TENM2: variants seen among roughly 807,000 people sequenced by gnomAD.
TENM2 encodes teneurin transmembrane protein 2, also known as teneurin-2.
In TENM2, 52 loss-of-function variants were observed where a neutral mutation model predicts 245.2. The observed-to-expected ratio is 0.21, with a 90% CI of 0.17 to 0.27. TENM2 has a LOEUF of 0.27. Ranked by LOEUF, TENM2 falls within the 10% of genes least tolerant of loss-of-function variation. The pLI, the probability that TENM2 is intolerant of heterozygous loss-of-function variation, is 1.00. For synonymous variants in TENM2, 1,363 were observed against 1,438.9 expected (o/e 0.95, Z 1.19); for missense variants, 3,046 against 3,666.8 (o/e 0.83, Z 4.37).
At chr5:167,686,260 G>T (rs1277799028) in intron 2 of TENM2, among the ~76,000 whole-genome samples, 1 of 152,172 alleles carries the variant, frequency 6.6e-6, no homozygotes, top group Non-Finnish European at 1.5e-5. Context: ...TGACCAAAAA[G>T]ACCATTTGTG....
intron 9 of TENM2, among the ~76,000 whole-genome samples, chr5:168,115,503 C>T (rs1581354312): frequency 6.6e-6 from 1 of 151,932 alleles, no homozygotes; most frequent in Non-Finnish European, 1.5e-5. Context: ...TTACTTTCTA[C>T]CATCCTCCAC....
At chr5:167,981,517 C>G (rs1480624563) in intron 4 of TENM2, among the ~76,000 whole-genome samples, 1 of 152,138 alleles carries the variant, frequency 6.6e-6, no homozygotes, top group African/African-American at 2.4e-5. Context: ...AAACCAAAAC[C>G]CTCAAGGCAG....
chr5:168,166,507 C>G (rs911110196), intron 13 of TENM2, among the ~76,000 whole-genome samples: 1 of 152,168 alleles, frequency 6.6e-6, no homozygotes, highest in African/African-American at 2.4e-5. Context: ...TTTATGGCCA[C>G]TAGTAGTTCT....
At chr5:168,155,808 C>A (rs1005560294) in intron 12 of TENM2, among the ~76,000 whole-genome samples, 5 of 148,564 alleles carry the variant, frequency 3.4e-5, no homozygotes, top group Non-Finnish European at 7.4e-5. Flanking sequence ...ACAATTAGTG[C>A]CACTATCTAC....
intron 2 of TENM2, among the ~76,000 whole-genome samples, chr5:167,397,778 CTTTG>C (rs778809096): frequency 5.1e-4 from 77 of 152,226 alleles, no homozygotes; most frequent in Admixed American, 1.2e-3. Context: ...TCTCATATAT[CTTTG>C]TTTGCTTCTC....
At chr5:167,876,001 C>G in exon 3 of TENM2, 1 of 1,551,220 alleles carries the variant, frequency 6.4e-7, no homozygotes, top group East Asian at 2.4e-5. Flanking sequence ...CCCATTCCAC[C>G]TACATCCTCG....
At chr5:167,505,273 A>G (rs1769467689) in intron 2 of TENM2, among the ~76,000 whole-genome samples, 1 of 152,198 alleles carries the variant, frequency 6.6e-6, no homozygotes, top group Non-Finnish European at 1.5e-5. Flanking sequence ...TATTAGTTAC[A>G]TCAAATCTTT....
rs765035291 is a variant in TENM2 at position 168,218,114 on chromosome 5, G to A, written c.4234-11G>A. ...AGGCTGTTCTTTAATCTGATACCAC[G>A]TCATCCACAGGTTCGTCTGGAGTGG... is the stretch of plus-strand genomic sequence containing the variant. On this transcript the variant is annotated splice_polypyrimidine_tract_variant and intron_variant, in intron 22 of 28. Coordinates refer to ENST00000518659, the Ensembl canonical transcript of TENM2. The surrounding 1 kb of genome is among the most constrained non-coding windows in gnomAD (Gnocchi z 5.2). 86 of 1,607,192 alleles carry A rather than the reference G, an allele frequency of 5.4e-5. 1 individual carries two copies. In the Middle Eastern group the frequency reaches 3.5e-3, roughly 65 times the overall value.
chr5:167,928,243 C>T (rs1561944021), intron 3 of TENM2, among the ~76,000 whole-genome samples: 1 of 152,144 alleles, frequency 6.6e-6, no homozygotes, highest in Non-Finnish European at 1.5e-5. Flanking sequence ...GTCTATGGTT[C>T]CCATTTCATT....
chr5:167,117,232 C>G, the TENM2 span, among the ~76,000 whole-genome samples: 1 of 152,182 alleles, frequency 6.6e-6, no homozygotes, highest in Non-Finnish European at 1.5e-5. Flanking sequence ...GGCTGGGCGC[C>G]ATGGCTCACG....
At chr5:168,190,311 C>T in intron 13 of TENM2, 26 bp from the exon 16 acceptor site, 1 of 1,591,646 alleles carries the variant, frequency 6.3e-7, no homozygotes, top group Non-Finnish European at 8.6e-7. Context: ...AATCTGCTGA[C>T]TCTGGCTCTG....
chr5:167,929,055 A>G (rs868716556), intron 3 of TENM2, among the ~76,000 whole-genome samples: 1 of 113,066 alleles, frequency 8.8e-6, no homozygotes, highest in East Asian at 2.4e-4. Context: ...AAAAGAAAGA[A>G]AGAGAGAAAG....
At chr5:168,107,965 C>T (rs553119148) in intron 9 of TENM2, among the ~76,000 whole-genome samples, 2 of 152,364 alleles carry the variant, frequency 1.3e-5, no homozygotes, top group Admixed American at 1.3e-4. Context: ...TGATGACAAG[C>T]TTCCAGCAGT....
intron 1 of TENM2, among the ~76,000 whole-genome samples, chr5:167,345,097 C>T (rs532303328): frequency 6.6e-6 from 1 of 152,284 alleles, no homozygotes; most frequent in South Asian, 2.1e-4. Flanking sequence ...TTACTCTCCA[C>T]ATTTGCCTAG....
chr5:167,157,663 T>G, the TENM2 span, among the ~76,000 whole-genome samples: 4 of 152,346 alleles, frequency 2.6e-5, no homozygotes, highest in Non-Finnish European at 4.4e-5. Flanking sequence ...ATTGCCATAT[T>G]AAAGCCCATC....
intron 3 of TENM2, among the ~76,000 whole-genome samples, chr5:167,885,902 C>G (rs1774246898): frequency 6.6e-6 from 1 of 152,172 alleles, no homozygotes; most frequent in African/African-American, 2.4e-5. Context: ...AGGCTGGCCT[C>G]AAACTCCTGA....
At chr5:167,510,357 G>C (rs1769856497) in intron 2 of TENM2, among the ~76,000 whole-genome samples, 1 of 152,122 alleles carries the variant, frequency 6.6e-6, no homozygotes, top group Admixed American at 6.6e-5. Context: ...CATTTTGGTG[G>C]CATTTTGTGA....
At chr5:168,118,155 A>G in intron 9 of TENM2, 137 bp from the exon 12 acceptor site, 4 of 565,510 alleles carry the variant, frequency 7.1e-6, no homozygotes, top group Non-Finnish European at 1.2e-5. Flanking sequence ...ATGGTTCTGC[A>G]CCTGCACAGC....
At chr5:167,308,687 G>T (rs981174683) in intron 1 of TENM2, among the ~76,000 whole-genome samples, 53 of 152,318 alleles carry the variant, frequency 3.5e-4, no homozygotes, top group African/African-American at 1.2e-3. Flanking sequence ...TTGGCTGGAT[G>T]CAGCATTGCT....
Sources: allele counts gnomAD v4.1 joint callset (sites outside exome capture counted in the v4.1 genomes callset), GRCh38; gene constraint gnomAD v4.1.1; non-coding constraint Gnocchi (gnomAD v3.1); transcripts MANE v1.5; gene names NCBI Gene and HGNC (gene_info 2026-07-23, HGNC 2026-07-21).